The following PDE4B variants were observed in gnomAD, a reference collection of about 807,000 sequenced individuals.
The protein encoded by PDE4B is 3',5'-cyclic-AMP phosphodiesterase 4B.
In PDE4B, 20 loss-of-function variants were observed where a neutral mutation model predicts 82.2. The ratio of observed to expected loss-of-function variants is 0.24; its 90% confidence interval spans 0.17 to 0.35. The LOEUF is 0.35. Ranked by LOEUF, PDE4B falls within the 10% of genes least tolerant of loss-of-function variation. The pLI, the probability that PDE4B is intolerant of heterozygous loss-of-function variation, is 1.00. For missense variants in PDE4B, 655 were observed against 907.2 expected, an observed-to-expected ratio of 0.72 and a Z score of 3.57; for synonymous variants, 320 against 318.9, an observed-to-expected ratio of 1.00 and a Z score of -0.04.
chr1:66,217,777 T>A (rs1650586797), intron 3 of PDE4B, among the ~76,000 whole-genome samples: 1 of 152,184 alleles, frequency 6.6e-6, no homozygotes. Flanking sequence ...TTCCTGGTAC[T>A]GCAACTGTAT....
At chr1:66,037,756 G>A (rs762819174) in intron 3 of PDE4B, among the ~76,000 whole-genome samples, 1 of 151,880 alleles carries the variant, frequency 6.6e-6, no homozygotes, top group Non-Finnish European at 1.5e-5. Flanking sequence ...TGTGAATATT[G>A]GCATCATTTT....
At chr1:66,186,625 G>A (rs573701202) in intron 3 of PDE4B, among the ~76,000 whole-genome samples, 148 of 152,098 alleles carry the variant, frequency 9.7e-4, no homozygotes, top group African/African-American at 3.4e-3. Flanking sequence ...GTCATGATTT[G>A]GCTCTGTTTG....
At chr1:66,103,683 A>G (rs533275473) in intron 3 of PDE4B, among the ~76,000 whole-genome samples, 1 of 152,262 alleles carries the variant, frequency 6.6e-6, no homozygotes, top group Non-Finnish European at 1.5e-5. Context: ...CATAGCATTC[A>G]GTTGGTGTGA....
chr1:66,106,166 T>TTG (rs1557565091), intron 3 of PDE4B, among the ~76,000 whole-genome samples: 1 of 152,206 alleles, frequency 6.6e-6, no homozygotes, highest in African/African-American at 2.4e-5. Context: ...TTGAATTTTG[T>TTG]CAAAGGCCTT....
chr1:65,914,606 A>C (rs1247040385), intron 2 of PDE4B, among the ~76,000 whole-genome samples: 1 of 150,192 alleles, frequency 6.7e-6, no homozygotes, highest in African/African-American at 2.4e-5. Context: ...TTTTTCTTAA[A>C]AAAAAAAAAA....
intron 4 of PDE4B, among the ~76,000 whole-genome samples, chr1:66,255,212 G>A (rs778645176): frequency 2.0e-5 from 3 of 151,968 alleles, no homozygotes; most frequent in South Asian, 2.1e-4. Flanking sequence ...AGCCTCCCAA[G>A]TAGCTAGGAT....
intron 3 of PDE4B, among the ~76,000 whole-genome samples, chr1:66,177,876 G>C (rs929783035): frequency 6.6e-6 from 1 of 151,932 alleles, no homozygotes; most frequent in Non-Finnish European, 1.5e-5. Context: ...TACAGGCTTT[G>C]GTGGGCATTG....
intron 3 of PDE4B, among the ~76,000 whole-genome samples, chr1:65,949,082 G>A (rs1648861675): frequency 6.6e-6 from 1 of 151,922 alleles, no homozygotes; most frequent in Admixed American, 6.6e-5. Context: ...ATAGCCTTCT[G>A]TCCACCGCTC....
chr1:66,284,886 A>G (rs1346950739), intron 7 of PDE4B, among the ~76,000 whole-genome samples: 1 of 152,212 alleles, frequency 6.6e-6, no homozygotes, highest in Non-Finnish European at 1.5e-5. Flanking sequence ...CATCAGGGAA[A>G]TACATTATCA....
intron 7 of PDE4B, among the ~76,000 whole-genome samples, chr1:66,278,203 G>A (rs900959270): frequency 1.5e-4 from 23 of 152,200 alleles, no homozygotes; most frequent in African/African-American, 5.3e-4. Flanking sequence ...GTAACTAAAA[G>A]AAGAGAAAGA....
intron 3 of PDE4B, among the ~76,000 whole-genome samples, chr1:66,054,115 A>C (rs1000363166): frequency 1.3e-5 from 2 of 152,074 alleles, no homozygotes; most frequent in Non-Finnish European, 2.9e-5. Context: ...ACCCTCATTG[A>C]GTGACTCTGA....
At chr1:65,964,016 A>G (rs1649681578) in intron 3 of PDE4B, among the ~76,000 whole-genome samples, 1 of 152,102 alleles carries the variant, frequency 6.6e-6, no homozygotes, top group Non-Finnish European at 1.5e-5. Context: ...AAAAGCAATT[A>G]TTTTCCCTGT....
chr1:66,222,946 GAT>G (rs763541192), intron 3 of PDE4B, among the ~76,000 whole-genome samples: 2 of 152,138 alleles, frequency 1.3e-5, no homozygotes, highest in Admixed American at 6.5e-5. Flanking sequence ...AATAATAAAA[GAT>G]AATTTAAATA....
At chr1:66,188,129 A>G (rs1320098953) in intron 3 of PDE4B, among the ~76,000 whole-genome samples, 1 of 151,670 alleles carries the variant, frequency 6.6e-6, no homozygotes, top group East Asian at 1.9e-4. Flanking sequence ...TTCAGTTTCC[A>G]TGTAGTTGAG....
intron 3 of PDE4B, among the ~76,000 whole-genome samples, chr1:66,033,727 A>T (rs1487300281): frequency 6.6e-6 from 1 of 150,870 alleles, no homozygotes. Context: ...AAAAAAAAAA[A>T]TGAGAGGAGG....
At chr1:65,904,207 A>G (rs144166771) in intron 1 of PDE4B, among the ~76,000 whole-genome samples, 3 of 152,306 alleles carry the variant, frequency 2.0e-5, no homozygotes, top group Non-Finnish European at 4.4e-5. Flanking sequence ...CCCATGAAAC[A>G]TGTTTGAACA....
chr1:66,280,917 G>A (rs990253076), intron 7 of PDE4B, among the ~76,000 whole-genome samples: 5 of 152,188 alleles, frequency 3.3e-5, no homozygotes, highest in African/African-American at 9.7e-5. Context: ...TCCAGAGAAA[G>A]CTGAGAGTGA....
At chr1:65,924,077 A>ATTTTTTCTTTTTTTTTTTT (rs1647358332) in intron 3 of PDE4B, among the ~76,000 whole-genome samples, 1 of 40,774 alleles carries the variant, frequency 2.5e-5, no homozygotes, top group Non-Finnish European at 5.2e-5. Context: ...CAGTTTGCTA[A>ATTTTTTCTTTTTTTTTTTT]TTTTTTTTTT....
rs566408887 is a variant in PDE4B, at chr1:66,229,053, G to A, written c.282-18407G>A. Reference sequence around the variant, plus strand: ...GATGGAGTCTTGCTCTGTCGCCCAGGCTGGAGTGCAGTGGCTCGATATTGG... The same window carrying A: ...GATGGAGTCTTGCTCTGTCGCCCAGACTGGAGTGCAGTGGCTCGATATTGG... On this transcript the variant is annotated intron_variant, in intron 3 of 16. Coordinates refer to ENST00000341517, the MANE Select transcript of PDE4B (RefSeq NM_002600.4). 9.9e-5 allele frequency among the ~76,000 whole-genome samples: 15 copies of A among 151,986 alleles called. No individual in the cohort carries two copies. In the East Asian group the frequency reaches 2.9e-3, roughly 30 times the overall value.
Sources: gnomAD v4.1 joint callset for allele counts (sites outside exome capture counted in the v4.1 genomes callset) on GRCh38, gnomAD v4.1.1 for gene constraint, MANE v1.5 for transcripts, NCBI Gene and HGNC (gene_info 2026-07-23, HGNC 2026-07-21) for gene names.